PTPRD: variants seen among roughly 807,000 people sequenced by gnomAD.
PTPRD encodes the protein receptor-type tyrosine-protein phosphatase delta.
In PTPRD, 34 loss-of-function variants were observed where a neutral mutation model predicts 214.5. That is an observed-to-expected ratio of 0.16 (90% confidence interval 0.12 to 0.21). PTPRD has a LOEUF of 0.21. PTPRD is among the 10% of genes least tolerant of loss of function. The pLI is 1.00. For synonymous variants in PTPRD, 1,128 were observed against 845.7 expected (o/e 1.33, Z -5.79); for missense variants, 2,545 against 2,398.7 (o/e 1.06, Z -1.27).
chr9:8,636,754 C>A lies in PTPRD; in HGVS notation c.155G>T (p.Arg52Ile). 4 of 1,614,086 alleles carry A rather than the reference C, an allele frequency of 2.5e-6. No homozygotes were observed. Among genetic ancestry groups the A allele is most frequent in the Non-Finnish European group, 3.4e-6 (4 of 1,179,976 alleles). ...TTTTTTGTTCCAGACAATTTTAGGT[C>A]TTGGGTCTCCCGTAGCTTGGCAGAT... is the stretch of plus-strand genomic sequence containing the variant. ...SFICQATGDP[R>I]PKIVWNKKGK... is the part of the protein sequence containing the mutation. Residue 52 changes from arginine to isoleucine, a missense_variant, in exon 13 of 46, where the codon AGA becomes ATA. By Grantham distance (97) the Arg-to-Ile change is moderately conservative. Coordinates refer to ENST00000381196, the MANE Select transcript of PTPRD (RefSeq NM_002839.4).
intron 4 of PTPRD, among the ~76,000 whole-genome samples, chr9:9,997,787 A>G (rs987094012): frequency 1.2e-4 from 18 of 152,102 alleles, no homozygotes; most frequent in Non-Finnish European, 2.6e-4. Flanking sequence ...GGTGCACCCA[A>G]CATGGCCAAC....
intron 11 of PTPRD, among the ~76,000 whole-genome samples, chr9:8,821,795 G>C (rs962530722): frequency 1.3e-5 from 2 of 152,144 alleles, no homozygotes; most frequent in Admixed American, 6.6e-5. Context: ...CTCCCGAGTA[G>C]CTGGGATTAC....
intron 9 of PTPRD, among the ~76,000 whole-genome samples, chr9:9,311,401 C>T (rs780644980): frequency 6.6e-6 from 1 of 152,116 alleles, no homozygotes; most frequent in Non-Finnish European, 1.5e-5. Context: ...AAAGAAAACA[C>T]TGATAAATGT....
intron 2 of PTPRD, among the ~76,000 whole-genome samples, chr9:10,366,016 A>G (rs2097508575): frequency 6.6e-6 from 1 of 152,174 alleles, no homozygotes; most frequent in African/African-American, 2.4e-5. Flanking sequence ...GACTGCCAAG[A>G]GAAAGGAAAA....
intron 10 of PTPRD, among the ~76,000 whole-genome samples, chr9:9,167,472 G>A (rs746400132): frequency 2.6e-5 from 4 of 151,876 alleles, no homozygotes; most frequent in Non-Finnish European, 4.4e-5. Flanking sequence ...AAAATAAGGA[G>A]GGCTGGGCAT....
chr9:9,727,031 G>C (rs1372904834), intron 7 of PTPRD, among the ~76,000 whole-genome samples: 1 of 152,166 alleles, frequency 6.6e-6, no homozygotes. Flanking sequence ...TGAACACCTG[G>C]AGAAGAGCTG....
chr9:8,684,642 T>C (rs1169995222), intron 12 of PTPRD, among the ~76,000 whole-genome samples: 1 of 152,182 alleles, frequency 6.6e-6, no homozygotes, highest in Non-Finnish European at 1.5e-5. Context: ...GTAATTTCTA[T>C]ATATGTTGAA....
Position 9,439,713 on chromosome 9 carries a change from C to G in PTPRD, c.-236-42231G>C, listed in dbSNP as rs549867577. Among the ~76,000 whole-genome samples, 7 of 152,296 alleles carry G rather than the reference C, an allele frequency of 4.6e-5. No individual in the cohort carries two copies. The South Asian group carries it at 1.5e-3, about 32-fold the overall frequency. On this transcript the variant is annotated intron_variant, in intron 8 of 45. Transcript: ENST00000381196. ...TTTGGCAAAACAGTGAAGATTCTTA[C>G]CTTCACTACCTAAAGACTATCACTG...
intron 11 of PTPRD, among the ~76,000 whole-genome samples, chr9:9,009,033 C>G (rs1271329331): frequency 6.6e-6 from 1 of 151,934 alleles, no homozygotes; most frequent in Non-Finnish European, 1.5e-5. Context: ...ATTTGAAAGA[C>G]AAAACAAACA....
intron 35 of PTPRD, among the ~76,000 whole-genome samples, chr9:8,428,332 A>C (rs12348387): frequency 0.073 from 11,175 of 152,180 alleles, 638 homozygotes; most frequent in African/African-American, 0.16. Context: ...TGGAATAGTA[A>C]ATTTAGCCAT....
chr9:8,814,287 G>A (rs1441910913), intron 11 of PTPRD, among the ~76,000 whole-genome samples: 2 of 152,278 alleles, frequency 1.3e-5, no homozygotes, highest in East Asian at 1.9e-4. Context: ...TTCATATGCG[G>A]CTATGAAGTG....
At chr9:8,582,221 T>C (rs887830839) in intron 14 of PTPRD, among the ~76,000 whole-genome samples, 4 of 152,102 alleles carry the variant, frequency 2.6e-5, no homozygotes, top group Admixed American at 2.6e-4. Context: ...CAACTATGCA[T>C]CCATGTAGAA....
chr9:8,731,839 C>G (rs2098662566), intron 12 of PTPRD, among the ~76,000 whole-genome samples: 3 of 152,166 alleles, frequency 2.0e-5, no homozygotes, highest in Non-Finnish European at 4.4e-5. Flanking sequence ...AAATATACTA[C>G]ATGGAGGCTG....
chr9:8,432,116 A>T (rs949179016), intron 35 of PTPRD, among the ~76,000 whole-genome samples: 9 of 152,346 alleles, frequency 5.9e-5, no homozygotes, highest in Admixed American at 5.2e-4. Flanking sequence ...GGCAAGGTCT[A>T]CACAAATTAC....
At chr9:9,059,213 A>G (rs1311804363) in intron 10 of PTPRD, among the ~76,000 whole-genome samples, 1 of 152,218 alleles carries the variant, frequency 6.6e-6, no homozygotes. Flanking sequence ...CGTTAGGACT[A>G]TTCAAGAGGA....
At chr9:9,391,418 G>A (rs544937712) in intron 9 of PTPRD, among the ~76,000 whole-genome samples, 1 of 152,096 alleles carries the variant, frequency 6.6e-6, no homozygotes, top group East Asian at 1.9e-4. Context: ...AATGCCACTA[G>A]GTAAGACTAT....
chr9:9,411,260 G>GACTTT (rs77816004), intron 8 of PTPRD, among the ~76,000 whole-genome samples: 1 of 25,052 alleles, frequency 4.0e-5, no homozygotes, highest in African/African-American at 2.8e-4. Flanking sequence ...ATAGCATTGT[G>GACTTT]TCTTTTTTTT....
intron 8 of PTPRD, among the ~76,000 whole-genome samples, chr9:9,504,853 A>G (rs951672333): frequency 1.3e-5 from 2 of 151,682 alleles, no homozygotes; most frequent in Non-Finnish European, 3.0e-5. Context: ...TTCTTTACAA[A>G]CTGTTCAAAA....
chr9:10,503,062 G>A (rs2044320069), intron 2 of PTPRD, among the ~76,000 whole-genome samples: 1 of 150,996 alleles, frequency 6.6e-6, no homozygotes, highest in Non-Finnish European at 1.5e-5. Context: ...TTTTCTTTTT[G>A]AACTATGGTT....
Sources: gnomAD v4.1 joint callset for allele counts (sites outside exome capture counted in the v4.1 genomes callset) on GRCh38, gnomAD v4.1.1 for gene constraint, MANE v1.5 for transcripts, NCBI Gene and HGNC (gene_info 2026-07-23, HGNC 2026-07-21) for gene names.